The following BST1 variants were observed in gnomAD, a reference collection of about 807,000 sequenced individuals.
BST1 encodes ADP-ribosyl cyclase/cyclic ADP-ribose hydrolase 2.
In BST1, 49 loss-of-function variants were observed where a neutral mutation model predicts 40.6. The ratio of observed to expected loss-of-function variants is 1.21; its 90% CI spans 0.96 to 1.53. The LOEUF is 1.53. Ranked by LOEUF, BST1 falls within the 40% of genes most tolerant of loss-of-function variation. BST1 has a pLI of 0.00. For synonymous variants in BST1, 157 were observed against 159.3 expected (o/e 0.99, Z 0.11); for missense variants, 423 against 395.9 (o/e 1.07, Z -0.58).
At chr4:15,712,277 T>C (rs554051012) in intron 4 of BST1, among the ~76,000 whole-genome samples, 2 of 152,180 alleles carry the variant, frequency 1.3e-5, no homozygotes, top group Non-Finnish European at 1.5e-5. Context: ...GGATCAGAAA[T>C]GTCCACAAGA....
downstream of BST1, chr4:15,743,182 T>A (rs1721785617): frequency 6.3e-6 from 1 of 159,704 alleles, no homozygotes; most frequent in Non-Finnish European, 1.4e-5. Flanking sequence ...CTTGCATAAT[T>A]TTACATTTAA....
At chr4:15,727,951 T>G (rs1721196464) in intron 8 of BST1, among the ~76,000 whole-genome samples, 1 of 151,044 alleles carries the variant, frequency 6.6e-6, no homozygotes, top group Non-Finnish European at 1.5e-5. Flanking sequence ...AGGATAATCA[T>G]ACAGCAAGCA....
Position 15,703,128 on chromosome 4 carries a change from G to T in BST1, c.-17G>T. 6.3e-7 allele frequency: 1 copy of T among 1,584,282 alleles called. No individual in the cohort carries two copies. The highest frequency in any genetic ancestry group is 1.1e-5 in the South Asian group (1 of 87,708). On this transcript the variant is annotated 5_prime_UTR_variant, in exon 1 of 9. The change creates a new upstream start codon in the 5' untranslated region. Coordinates refer to ENST00000265016, the MANE Select transcript of BST1 (RefSeq NM_004334.3). ...GGAGTGGAGGAAGCACGGGACTGGAGGGACCAAAGTTCCCCGATGGCGGCC... is the reference window on the plus strand; with the variant it reads ...GGAGTGGAGGAAGCACGGGACTGGATGGACCAAAGTTCCCCGATGGCGGCC...
the BST1 span, among the ~76,000 whole-genome samples, chr4:15,751,126 AG>A: frequency 6.6e-6 from 1 of 152,202 alleles, no homozygotes; most frequent in East Asian, 1.9e-4. Flanking sequence ...ATACTAGAGC[AG>A]GGGTGGTGCA....
the BST1 span, among the ~76,000 whole-genome samples, chr4:15,753,256 C>T: frequency 6.6e-6 from 1 of 152,166 alleles, no homozygotes; most frequent in African/African-American, 2.4e-5. Flanking sequence ...TCTGTCTAAG[C>T]TGTCTCTATC....
chr4:15,729,083 T>C (rs1287497869), intron 8 of BST1, among the ~76,000 whole-genome samples: 1 of 152,208 alleles, frequency 6.6e-6, no homozygotes, highest in East Asian at 1.9e-4. Context: ...AATCAAGTAA[T>C]TGAGAAAGTT....
the BST1 span, among the ~76,000 whole-genome samples, chr4:15,765,451 TC>T: frequency 5.9e-5 from 9 of 152,034 alleles, no homozygotes; most frequent in African/African-American, 2.2e-4. Context: ...CTGCCCCACT[TC>T]CGTTTCTGCT....
At chr4:15,743,353 C>T in the BST1 span, 1 of 345,406 alleles carries the variant, frequency 2.9e-6, no homozygotes, top group Non-Finnish European at 5.6e-6. Flanking sequence ...GAGATCATGA[C>T]TTCGGTGGAT....
chr4:15,737,515 G>A (rs1016491680), downstream of BST1, among the ~76,000 whole-genome samples: 8 of 152,186 alleles, frequency 5.3e-5, no homozygotes, highest in African/African-American at 1.7e-4. Context: ...AACCAGCCTC[G>A]TGTGTCTTCA....
rs757611440 is a variant in BST1, at chr4:15,703,209, T to C, written c.65T>C (p.Leu22Pro). The C allele has an allele frequency of 4.3e-5, 67 of 1,552,742 alleles. No individual in the cohort carries two copies. The highest frequency in any genetic ancestry group is 5.7e-5 in the Non-Finnish European group (65 of 1,149,726). ...CTGCTGCTGCAGCTTCTGCTTCTAC[T>C]GTTGCTGCTGGCGGCGGGCGGGGCG... ...LQLLLQLLLL[L>P]LLLAAGGARA... Residue 22 changes from leucine to proline, a missense_variant, in exon 1 of 9, where the codon CTG becomes CCG. Transcript: ENST00000265016.
chr4:15,723,012 G>A, intron 8 of BST1, 78 bp downstream of exon 8: 1 of 1,342,374 alleles, frequency 7.4e-7, no homozygotes, highest in Non-Finnish European at 1.1e-6. Flanking sequence ...TCACAAACAT[G>A]AACATATTAT....
the BST1 span, among the ~76,000 whole-genome samples, chr4:15,769,878 C>T: frequency 1.5e-4 from 23 of 151,976 alleles, no homozygotes; most frequent in African/African-American, 2.4e-4. Context: ...CTCCCTCTGT[C>T]GCCCAGGCTG....
In BST1 at chr4:15,705,780, G is replaced by A. The variant is rs1560276369; in HGVS notation, c.315+139G>A. The A allele has an allele frequency of 2.6e-6, 3 of 1,154,036 alleles. No homozygotes were observed. The African/African-American group carries it at 4.7e-5, about 18-fold the overall frequency. 71.5% of individuals were successfully genotyped at this position (1,154,036 alleles called of 1,614,324 possible). ...ATCAGGCAGCACACATAATGTGTGT[G>A]CTGAGCTCTCTGTGGGAAGCTAGCT... On this transcript the variant is annotated intron_variant, in intron 2 of 8. Transcript: ENST00000265016.
At chr4:15,713,234 G>T (rs1720317549) in intron 4 of BST1, among the ~76,000 whole-genome samples, 1 of 142,928 alleles carries the variant, frequency 7.0e-6, no homozygotes, top group Non-Finnish European at 1.5e-5. Context: ...TTTTGAGACG[G>T]AGTCTCGCTC....
At chr4:15,722,700 T>C (rs1043903151) in intron 7 of BST1, among the ~76,000 whole-genome samples, 175 bp from the exon 8 acceptor site, 1 of 151,480 alleles carries the variant, frequency 6.6e-6, no homozygotes, top group African/African-American at 2.4e-5. Context: ...CCCAAAGTGC[T>C]GGGATTACAG....
the BST1 span, among the ~76,000 whole-genome samples, chr4:15,749,425 G>T: frequency 6.6e-6 from 1 of 152,100 alleles, no homozygotes; most frequent in Non-Finnish European, 1.5e-5. Flanking sequence ...ACTTTATTCA[G>T]GGGATCTTTT....
intron 4 of BST1, among the ~76,000 whole-genome samples, chr4:15,713,573 A>G (rs765945894): frequency 1.6e-4 from 24 of 152,370 alleles, no homozygotes; most frequent in Non-Finnish European, 2.5e-4. Context: ...AGAGAGGTCA[A>G]GAAGCTTTAC....
chr4:15,764,362 G>T, the BST1 span, among the ~76,000 whole-genome samples: 2 of 152,110 alleles, frequency 1.3e-5, no homozygotes, highest in Admixed American at 6.5e-5. Context: ...AGAAAGCATT[G>T]CACAGTTGCT....
chr4:15,729,189 T>C (rs1200175719), intron 8 of BST1, among the ~76,000 whole-genome samples: 2 of 152,202 alleles, frequency 1.3e-5, no homozygotes, highest in East Asian at 3.8e-4. Flanking sequence ...CAGTGGCTCA[T>C]GCCTGTAACC....
Sources: gnomAD v4.1 joint callset for allele counts (sites outside exome capture counted in the v4.1 genomes callset) on GRCh38, gnomAD v4.1.1 for gene constraint, MANE v1.5 for transcripts, NCBI Gene and HGNC (gene_info 2026-07-23, HGNC 2026-07-21) for gene names.